Variants in DIAPH3 observed in about 807,000 individuals in gnomAD.
The protein encoded by DIAPH3 is protein diaphanous homolog 3.
DIAPH3 carries 117 observed loss-of-function variants against 144.3 expected under a neutral mutation model. The observed-to-expected ratio is 0.81, with a 90% CI of 0.70 to 0.95. The LOEUF is 0.95. Ranked by LOEUF, DIAPH3 falls within the 40% of genes least tolerant of loss-of-function variation. DIAPH3 has a pLI of 0.00. For synonymous variants in DIAPH3, 519 were observed against 488.9 expected, an observed-to-expected ratio of 1.06 and a Z score of -0.81; for missense variants, 1,421 against 1,412.7, an observed-to-expected ratio of 1.01 and a Z score of -0.09.
intron 25 of DIAPH3, among the ~76,000 whole-genome samples, chr13:59,787,645 C>T (rs770229446): frequency 1.2e-4 from 19 of 152,154 alleles, no homozygotes; most frequent in Non-Finnish European, 2.5e-4. Context: ...GGCATTCCCT[C>T]GGTCTGATTT....
intron 27 of DIAPH3, among the ~76,000 whole-genome samples, chr13:59,706,302 C>T (rs1432979124): frequency 2.6e-5 from 4 of 152,170 alleles, no homozygotes; most frequent in Admixed American, 1.3e-4. Flanking sequence ...CCGCTGGATA[C>T]AGACGGTCAA....
At chr13:59,992,830 G>C (rs942087087) in intron 9 of DIAPH3, among the ~76,000 whole-genome samples, 4 of 138,618 alleles carry the variant, frequency 2.9e-5, no homozygotes, top group African/African-American at 1.1e-4. Flanking sequence ...CGTTACTACT[G>C]CTCCATAAAA....
chr13:60,139,438 T>C (rs2059377916), intron 1 of DIAPH3, among the ~76,000 whole-genome samples: 1 of 152,138 alleles, frequency 6.6e-6, no homozygotes, highest in Admixed American at 6.6e-5. Context: ...ATACCATGTA[T>C]TACTCACTAT....
intron 4 of DIAPH3, among the ~76,000 whole-genome samples, chr13:60,073,941 T>C (rs889720571): frequency 3.3e-5 from 5 of 152,218 alleles, no homozygotes; most frequent in African/African-American, 1.2e-4. Context: ...CAAAATGACC[T>C]GGTAAACAAG....
chr13:59,841,371 A>G (rs1055213644), intron 22 of DIAPH3, among the ~76,000 whole-genome samples: 1 of 152,044 alleles, frequency 6.6e-6, no homozygotes. Flanking sequence ...AGGAGGATCA[A>G]CTTGAAGCCA....
intron 18 of DIAPH3, among the ~76,000 whole-genome samples, chr13:59,921,402 C>T (rs2047512803): frequency 6.6e-6 from 1 of 150,844 alleles, no homozygotes. Flanking sequence ...TTACAACTGA[C>T]ACCACAAAAA....
At chr13:60,100,794 T>A (rs548267349) in intron 3 of DIAPH3, among the ~76,000 whole-genome samples, 328 of 151,966 alleles carry the variant, frequency 2.2e-3, no homozygotes, top group African/African-American at 7.4e-3. Context: ...AAAAAGAAGT[T>A]TTTTTATATC....
intron 27 of DIAPH3, among the ~76,000 whole-genome samples, chr13:59,681,218 A>G (rs1469391393): frequency 2.0e-5 from 3 of 152,218 alleles, no homozygotes; most frequent in African/African-American, 7.2e-5. Flanking sequence ...CTGTAATCCC[A>G]ACATTTTTTT....
chr13:60,004,055 T>TA (rs961651013), intron 9 of DIAPH3, among the ~76,000 whole-genome samples: 10 of 151,940 alleles, frequency 6.6e-5, no homozygotes, highest in Admixed American at 2.0e-4. Flanking sequence ...TATTCTCCTT[T>TA]AAAAAAAATA....
In DIAPH3 at chr13:59,983,796, G is replaced by C. The variant is rs769078988; in HGVS notation, c.1453C>G (p.Leu485Val). ...ACAAACTGGGTTAAATCTAAATCTA[G>C]TCTTTTTCGATATGTGAAGTCTGGA... ...MDPDFTYRKR[L>V]DLDLTQFVDI... The change falls in exon 13 of 28, where the codon CTA becomes GTA. Residue 485 changes from leucine to valine, a missense_variant. Transcript: ENST00000400324. 1.9e-6 allele frequency: 3 copies of C among 1,606,682 alleles called. No individual in the cohort carries two copies. Among genetic ancestry groups the C allele is most frequent in the East Asian group, 4.5e-5 (2 of 44,684 alleles).
At chr13:60,150,989 G>C (rs535867913) in intron 1 of DIAPH3, among the ~76,000 whole-genome samples, 1 of 151,196 alleles carries the variant, frequency 6.6e-6, no homozygotes, top group African/African-American at 2.4e-5. Flanking sequence ...ACATGAAACA[G>C]AAAGGAAGGG....
chr13:59,897,439 G>T (rs1479529452), intron 20 of DIAPH3, among the ~76,000 whole-genome samples: 1 of 152,190 alleles, frequency 6.6e-6, no homozygotes, highest in African/African-American at 2.4e-5. Context: ...ATGTAAAGTG[G>T]AATATAGTTC....
intron 20 of DIAPH3, among the ~76,000 whole-genome samples, chr13:59,891,419 C>A (rs1482750247): frequency 6.7e-6 from 1 of 149,440 alleles, no homozygotes; most frequent in Admixed American, 6.7e-5. Context: ...ATCATGTTTC[C>A]ATACCAAAAA....
At chr13:59,930,503 C>T (rs941593474) in intron 17 of DIAPH3, among the ~76,000 whole-genome samples, 21 of 151,982 alleles carry the variant, frequency 1.4e-4, no homozygotes, top group African/African-American at 5.1e-4. Flanking sequence ...GGGAAAGACA[C>T]AACAATAGAA....
chr13:59,807,504 A>G (rs1358607169), intron 25 of DIAPH3, among the ~76,000 whole-genome samples: 1 of 152,048 alleles, frequency 6.6e-6, no homozygotes, highest in Non-Finnish European at 1.5e-5. Context: ...ACATATCTGT[A>G]TTTATTTTAC....
At chr13:59,832,904 C>T in intron 24 of DIAPH3, 1 of 523,316 alleles carries the variant, frequency 1.9e-6, no homozygotes, top group Non-Finnish European at 3.4e-6. Context: ...ATCAAAATGT[C>T]TGATTACAGC....
chr13:60,131,643 G>A (rs1440377823), intron 2 of DIAPH3, among the ~76,000 whole-genome samples: 1 of 151,912 alleles, frequency 6.6e-6, no homozygotes, highest in African/African-American at 2.4e-5. Flanking sequence ...GGAGTTGAGG[G>A]AAAACAGAGA....
intron 24 of DIAPH3, among the ~76,000 whole-genome samples, chr13:59,815,993 G>A (rs1229390587): frequency 1.3e-5 from 2 of 152,050 alleles, no homozygotes; most frequent in Non-Finnish European, 2.9e-5. Flanking sequence ...TTGGAGTAGG[G>A]TGGAGGGTTA....
At chr13:59,690,248 A>G (rs1250076873) in intron 27 of DIAPH3, among the ~76,000 whole-genome samples, 1 of 152,110 alleles carries the variant, frequency 6.6e-6, no homozygotes, top group African/African-American at 2.4e-5. Flanking sequence ...ATGTGTTTCA[A>G]TGCATTCTTA....
Sources: allele counts gnomAD v4.1 joint callset (sites outside exome capture counted in the v4.1 genomes callset), GRCh38; gene constraint gnomAD v4.1.1; transcripts MANE v1.5; gene names NCBI Gene and HGNC (gene_info 2026-07-23, HGNC 2026-07-21).